Variants in PIP4K2A observed in about 807,000 individuals in gnomAD.
PIP4K2A encodes the protein phosphatidylinositol 5-phosphate 4-kinase type-2 alpha.
In PIP4K2A, 14 loss-of-function variants were observed where a neutral mutation model predicts 42.9. That is an observed-to-expected ratio of 0.33 (90% confidence interval 0.22 to 0.51). The LOEUF is 0.51. Ranked by LOEUF, PIP4K2A falls within the 20% of genes least tolerant of loss-of-function variation. PIP4K2A has a pLI of 0.97. For missense variants in PIP4K2A, 434 were observed against 519.8 expected, an observed-to-expected ratio of 0.83 and a Z score of 1.61; for synonymous variants, 192 against 192.2, an observed-to-expected ratio of 1.00 and a Z score of 0.01.
At chr10:22,652,974 G>T (rs979356332) in intron 1 of PIP4K2A, among the ~76,000 whole-genome samples, 2 of 152,088 alleles carry the variant, frequency 1.3e-5, no homozygotes, top group African/African-American at 4.8e-5. Context: ...CACACCTTCA[G>T]TCTGAGCTGC....
At chr10:22,689,383 T>G (rs1388186564) in intron 1 of PIP4K2A, among the ~76,000 whole-genome samples, 2 of 152,174 alleles carry the variant, frequency 1.3e-5, no homozygotes, top group Non-Finnish European at 2.9e-5. Context: ...TATTTTCAGG[T>G]TCCGCATCCG....
chr10:22,573,833 G>C (rs1247279556), intron 4 of PIP4K2A, among the ~76,000 whole-genome samples: 1 of 152,222 alleles, frequency 6.6e-6, no homozygotes, highest in Non-Finnish European at 1.5e-5. Flanking sequence ...TGACTACAAG[G>C]CTGAGGCAGA....
At chr10:22,608,696 AC>A (rs1362909714) in intron 2 of PIP4K2A, among the ~76,000 whole-genome samples, 1 of 152,008 alleles carries the variant, frequency 6.6e-6, no homozygotes, top group African/African-American at 2.4e-5. Flanking sequence ...ACATAGTGAG[AC>A]CCCTGTCTTT....
At chr10:22,595,088 C>G (rs1837603098) in intron 3 of PIP4K2A, among the ~76,000 whole-genome samples, 1 of 152,192 alleles carries the variant, frequency 6.6e-6, no homozygotes, top group Non-Finnish European at 1.5e-5. Context: ...AAAGCCTTAT[C>G]TGATAAGGAG....
intron 1 of PIP4K2A, among the ~76,000 whole-genome samples, chr10:22,712,945 T>A (rs1232698651): frequency 6.6e-6 from 1 of 151,938 alleles, no homozygotes; most frequent in Non-Finnish European, 1.5e-5. Flanking sequence ...TGTGTGTCTG[T>A]GTGTGTGTTT....
chr10:22,562,733 C>T (rs1249752507), intron 6 of PIP4K2A, among the ~76,000 whole-genome samples: 7 of 152,164 alleles, frequency 4.6e-5, no homozygotes, highest in Non-Finnish European at 7.3e-5. Flanking sequence ...CTTCTCGACA[C>T]GCTCCTCCTG....
At chr10:22,699,344 G>A (rs1833666275) in intron 1 of PIP4K2A, among the ~76,000 whole-genome samples, 1 of 152,102 alleles carries the variant, frequency 6.6e-6, no homozygotes, top group African/African-American at 2.4e-5. Context: ...TGTAGTAAAA[G>A]CCTGTGGACT....
rs371010784 is a variant in PIP4K2A, at chr10:22,562,305, T to C, written c.678+5546A>G. ...GGCTAATGCCTGTAATCCCAGCACT[T>C]TGGGAGGCCGAGGCGGGTGGATCAC... On this transcript the variant is annotated intron_variant, in intron 6 of 9. Coordinates refer to ENST00000376573, the MANE Select transcript of PIP4K2A (RefSeq NM_005028.5). Among the ~76,000 whole-genome samples, 416 of 152,250 alleles carry C rather than the reference T, an allele frequency of 2.7e-3. 1 individual carries two copies. The highest frequency in any genetic ancestry group is 8.5e-3 in the African/African-American group (355 of 41,554).
chr10:22,541,838 C>A lies in PIP4K2A; in HGVS notation c.1002G>T (p.Pro334=). The part of the protein sequence containing the change: ...SPPLAPGEFD[P]NIDVYGIKCH... Reference sequence around the variant, plus strand: ...ACTTAATTCCATAGACGTCGATGTTCGGATCGAACTCCCCGGGAGCCAGGG... The same window carrying A: ...ACTTAATTCCATAGACGTCGATGTTAGGATCGAACTCCCCGGGAGCCAGGG... The change falls in exon 8 of 10, where the codon CCG becomes CCT. Residue 334 remains proline (P), a synonymous_variant. Coordinates refer to ENST00000376573, the MANE Select transcript of PIP4K2A (RefSeq NM_005028.5). 1.9e-6 allele frequency: 3 copies of A among 1,578,618 alleles called. No individual in the cohort carries two copies. Among genetic ancestry groups the A allele is most frequent in the Non-Finnish European group, 2.6e-6 (3 of 1,164,080 alleles).
intron 1 of PIP4K2A, among the ~76,000 whole-genome samples, chr10:22,624,308 A>G (rs939552116): frequency 2.6e-5 from 4 of 152,226 alleles, no homozygotes; most frequent in Admixed American, 2.0e-4. Flanking sequence ...TAAAGCATGT[A>G]AAAACCAATA....
chr10:22,609,789 C>T, intron 1 of PIP4K2A, 72 bp from the exon 2 acceptor site: 1 of 877,276 alleles, frequency 1.1e-6, no homozygotes, highest in South Asian at 1.5e-5. Flanking sequence ...GAATGTGTAC[C>T]TTGGGAAAAA....
At chr10:22,669,867 T>C (rs770556183) in intron 1 of PIP4K2A, among the ~76,000 whole-genome samples, 19 of 152,236 alleles carry the variant, frequency 1.2e-4, no homozygotes, top group Non-Finnish European at 2.6e-4. Flanking sequence ...TGAATGACTA[T>C]GACCTGTTAG....
At chr10:22,673,275 T>C (rs1019167505) in intron 1 of PIP4K2A, among the ~76,000 whole-genome samples, 1 of 152,256 alleles carries the variant, frequency 6.6e-6, no homozygotes. Flanking sequence ...ATTATGCTTA[T>C]CTCTGTGATC....
chr10:22,539,245 G>T (rs1353172658), intron 9 of PIP4K2A, among the ~76,000 whole-genome samples: 1 of 152,138 alleles, frequency 6.6e-6, no homozygotes, highest in Non-Finnish European at 1.5e-5. Context: ...CTACTATGAG[G>T]CCCTGGCAAG....
intron 3 of PIP4K2A, among the ~76,000 whole-genome samples, chr10:22,595,828 G>A (rs534232402): frequency 6.6e-6 from 1 of 152,114 alleles, no homozygotes; most frequent in South Asian, 2.1e-4. Context: ...CTTAGTTTCC[G>A]GGTCTATGAA....
At chr10:22,707,451 G>A (rs1214310967) in intron 1 of PIP4K2A, among the ~76,000 whole-genome samples, 2 of 152,042 alleles carry the variant, frequency 1.3e-5, no homozygotes, top group African/African-American at 4.8e-5. Context: ...TTATGTACTG[G>A]TTCTCTCCCT....
intron 1 of PIP4K2A, among the ~76,000 whole-genome samples, chr10:22,667,723 A>C (rs946782025): frequency 3.9e-5 from 6 of 152,196 alleles, no homozygotes; most frequent in African/African-American, 1.4e-4. Context: ...TTTTCCCAGA[A>C]ACTAATACTT....
intron 1 of PIP4K2A, among the ~76,000 whole-genome samples, chr10:22,658,205 C>T (rs1438737094): frequency 6.6e-6 from 1 of 152,068 alleles, no homozygotes; most frequent in African/African-American, 2.4e-5. Context: ...AATGTCACAC[C>T]ACAATACAAA....
At chr10:22,698,321 G>A (rs1164887375) in intron 1 of PIP4K2A, among the ~76,000 whole-genome samples, 1 of 152,212 alleles carries the variant, frequency 6.6e-6, no homozygotes, top group Non-Finnish European at 1.5e-5. Context: ...GAAAGCAGAA[G>A]ATGTGGGAAA....
Sources: allele counts gnomAD v4.1 joint callset (sites outside exome capture counted in the v4.1 genomes callset), GRCh38; gene constraint gnomAD v4.1.1; transcripts MANE v1.5; gene names NCBI Gene and HGNC (gene_info 2026-07-23, HGNC 2026-07-21).